ARFGAP1: variants seen among roughly 807,000 people sequenced by gnomAD.
The protein encoded by ARFGAP1 is ARF GTPase activating protein 1, also known as ADP-ribosylation factor GTPase-activating protein 1.
In ARFGAP1, 26 loss-of-function variants were observed where a neutral mutation model predicts 54.0. The observed-to-expected ratio is 0.48, with a 90% CI of 0.35 to 0.67. The LOEUF is 0.67. ARFGAP1 is among the 30% of genes least tolerant of loss of function. The pLI is 0.00. For missense variants in ARFGAP1, 525 were observed against 535.8 expected, an observed-to-expected ratio of 0.98 and a Z score of 0.20; for synonymous variants, 248 against 211.9, an observed-to-expected ratio of 1.17 and a Z score of -1.48.
chr20:63,283,733 C>T (rs953853907), intron 9 of ARFGAP1: 36 of 1,109,630 alleles, frequency 3.2e-5, no homozygotes, highest in Non-Finnish European at 3.0e-5. Flanking sequence ...TGCTGAGAGC[C>T]TGCCCGGTGC....
chr20:63,275,870 C>T (rs926937444), intron 2 of ARFGAP1, among the ~76,000 whole-genome samples: 5 of 152,230 alleles, frequency 3.3e-5, no homozygotes, highest in Admixed American at 6.5e-5. Context: ...GGCGCCTCCA[C>T]ATTTCTCAGG....
chr20:63,277,373 C>A, intron 5 of ARFGAP1, 68 bp downstream of exon 5: 10 of 1,341,738 alleles, frequency 7.5e-6, no homozygotes, highest in Non-Finnish European at 9.1e-6. Context: ...TTGGGTTTCC[C>A]ACAGAATTCT....
intron 8 of ARFGAP1, among the ~76,000 whole-genome samples, chr20:63,281,601 C>T (rs1194987019): frequency 2.6e-5 from 4 of 152,188 alleles, no homozygotes; most frequent in African/African-American, 7.2e-5. Context: ...GGGGTCCCGC[C>T]CTGATGAAAG....
At position 63,276,174 on chromosome 20, in the gene ARFGAP1, A is replaced by G. The variant is rs1261647347; in HGVS notation, c.144A>G (p.Arg48=). Residue 48 remains arginine (R), a synonymous_variant, in exon 3 of 13, where the codon AGA becomes AGG. Coordinates refer to ENST00000370283, the MANE Select transcript of ARFGAP1 (RefSeq NM_018209.4). This position sits in a 1 kb window ranked among gnomAD's most constrained non-coding sequence, Gnocchi z 5.2. ...GGATCTGCCTGGAGTGCTCGGGGAG[A>G]CACCGCGGGCTTGGGGTTCACCTCA... ...GIWICLECSG[R]HRGLGVHLSF... The G allele has an allele frequency of 6.2e-7, 1 of 1,613,692 alleles. No individual in the cohort carries two copies. Among genetic ancestry groups the G allele is most frequent in the Admixed American group, 1.7e-5 (1 of 59,996 alleles).
rs778278956 is a variant in ARFGAP1 at position 63,287,761 on chromosome 20, C to T, written c.1109C>T (p.Ala370Val). 2.5e-6 allele frequency: 4 copies of T among 1,609,570 alleles called. No individual in the cohort carries two copies. The highest frequency in any genetic ancestry group is 4.5e-5 in the East Asian group (2 of 44,738). The change falls in exon 13 of 13, where the codon GCC (alanine) becomes GTC (valine). Residue 370 changes from alanine (A) to valine (V), a missense_variant. Physicochemically the swap from Ala to Val is moderately conservative, Grantham distance 64 (BLOSUM62 0). Transcript: ENST00000370283. ...GACAGCTGGGAGGTGTGGGGCTCGG[C>T]CTCCACCAACAGGAACAGCAACAGC... ...SSDSWEVWGS[A>V]STNRNSNSDG... is the part of the protein sequence containing the mutation.
chr20:63,281,428 C>T (rs2067378521), intron 8 of ARFGAP1, 81 bp downstream of exon 8: 1 of 1,479,404 alleles, frequency 6.8e-7, no homozygotes, highest in African/African-American at 1.4e-5. Flanking sequence ...GTTCTGGGAG[C>T]TGCAGAAGGG....
intron 2 of ARFGAP1, 116 bp from the exon 3 acceptor site, chr20:63,275,975 C>T: frequency 1.1e-6 from 1 of 916,196 alleles, no homozygotes; most frequent in Non-Finnish European, 1.8e-6. Flanking sequence ...TGACCCACAC[C>T]CCCGGCCACC....
intron 9 of ARFGAP1, chr20:63,283,678 T>G (rs1601358756): frequency 1.6e-6 from 1 of 638,368 alleles, no homozygotes; most frequent in East Asian, 2.9e-5. Flanking sequence ...TTTCTGAAGG[T>G]GGTGGTCAGT....
At chr20:63,282,482 C>T (rs913453051) in intron 8 of ARFGAP1, among the ~76,000 whole-genome samples, 1 of 152,250 alleles carries the variant, frequency 6.6e-6, no homozygotes, top group Non-Finnish European at 1.5e-5. Flanking sequence ...GTGGCTTCCC[C>T]AGCCCGTCTT....
Position 63,276,288 on chromosome 20 carries a change from G to A in ARFGAP1, c.170+88G>A. ...CACCAGAGGTGCTGACGCCAGGGAAGCTTGGGGGCCACCTCCCATTGCATT... is the reference window on the plus strand; with the variant it reads ...CACCAGAGGTGCTGACGCCAGGGAAACTTGGGGGCCACCTCCCATTGCATT... On this transcript the variant is annotated intron_variant, in intron 3 of 12. Transcript: ENST00000370283. This position sits in a 1 kb window ranked among gnomAD's most constrained non-coding sequence, Gnocchi z 5.2. 1 of 1,492,464 alleles carries A rather than the reference G, an allele frequency of 6.7e-7. No individual in the cohort carries two copies. The highest frequency in any genetic ancestry group is 9.3e-7 in the Non-Finnish European group (1 of 1,078,432). The allele number at this position is 1,492,464 out of a possible 1,614,324, so 92.5% of individuals were successfully genotyped here. A position where few individuals can be genotyped will look rare whatever the true frequency, so the allele number is the denominator to read the frequency against.
At chr20:63,286,698 C>T in intron 12 of ARFGAP1, 1 of 491,220 alleles carries the variant, frequency 2.0e-6, no homozygotes, top group Non-Finnish European at 3.7e-6. Context: ...GCCTGTCCTG[C>T]CTGTCTCTGC....
At chr20:63,282,612 C>T (rs969144023) in intron 8 of ARFGAP1, among the ~76,000 whole-genome samples, 1 of 152,230 alleles carries the variant, frequency 6.6e-6, no homozygotes, top group Admixed American at 6.5e-5. Flanking sequence ...GAGCTGGCCT[C>T]CCTCTAGGGA....
Position 63,278,127 on chromosome 20 carries a change from C to G in ARFGAP1, c.454C>G (p.Gln152Glu). 1.2e-6 allele frequency: 2 copies of G among 1,613,730 alleles called. No homozygotes were observed. The highest frequency in any genetic ancestry group is 1.7e-6 in the Non-Finnish European group (2 of 1,179,918). Reference protein sequence around the residue: ...LPSMVHRVSGQPQSVTASSDK... With the variant: ...LPSMVHRVSGEPQSVTASSDK... Reference sequence around the variant, plus strand: ...GATTCTCGGTTTCAGAGTCTCTGGCCAGCCGCAGAGTGTGACCGCCTCCTC... The same window carrying G: ...GATTCTCGGTTTCAGAGTCTCTGGCGAGCCGCAGAGTGTGACCGCCTCCTC... Residue 152 changes from glutamine to glutamate, a missense_variant, in exon 6 of 13, where the codon CAG becomes GAG. Coordinates refer to ENST00000370283, the MANE Select transcript of ARFGAP1 (RefSeq NM_018209.4).
Position 63,276,884 on chromosome 20 carries a change from TGACC to T in ARFGAP1, c.342+235_342+238del, listed in dbSNP as rs886191431. The T allele has an allele frequency of 8.8e-6, 5 of 569,978 alleles. No homozygotes were observed. The African/African-American group carries it at 9.3e-5, about 11-fold the overall frequency. 35.3% of individuals were successfully genotyped at this position (569,978 alleles called of 1,614,324 possible). A position where few individuals can be genotyped will look rare whatever the true frequency, so the allele number is the denominator to read the frequency against. The stretch of plus-strand genomic sequence containing the variant: ...CCGCCTCCAGGGGAGAAAGCAGCTG[TGACC>T]GTTTATTGCCTCTGTGACATGTTGG... On this transcript the variant is annotated intron_variant, in intron 4 of 12. Coordinates refer to ENST00000370283, the MANE Select transcript of ARFGAP1 (RefSeq NM_018209.4). The surrounding 1 kb of genome is among the most constrained non-coding windows in gnomAD (Gnocchi z 5.2).
intron 10 of ARFGAP1, chr20:63,285,349 G>C (rs1045169217): frequency 1.9e-6 from 1 of 520,156 alleles, no homozygotes; most frequent in South Asian, 2.2e-5. Flanking sequence ...CCTCCTTCGG[G>C]GCCTGACTGG....
intron 1 of ARFGAP1, among the ~76,000 whole-genome samples, chr20:63,274,896 G>A (rs925985576): frequency 2.0e-5 from 3 of 152,204 alleles, no homozygotes; most frequent in Non-Finnish European, 2.9e-5. Flanking sequence ...CCTTGTTGCT[G>A]CTGTCCCAGT....
rs1235912569 is a variant in ARFGAP1, at chr20:63,288,280, T to G, written c.*407T>G. ...CAGCGACGTGAGGTGTCCCTTCTCG[T>G]TGAGATATTTAACTTTGGTTTTGCT... On this transcript the variant is annotated 3_prime_UTR_variant, in exon 13 of 13. Transcript: ENST00000370283. The G allele has an allele frequency of 2.0e-6, 1 of 491,384 alleles. No individual in the cohort carries two copies. Among genetic ancestry groups the G allele is most frequent in the Non-Finnish European group, 4.0e-6 (1 of 250,278 alleles). The allele number at this position is 491,384 out of a possible 1,614,324, so 30.4% of individuals were successfully genotyped here.
intron 11 of ARFGAP1, 42 bp from the exon 12 acceptor site, chr20:63,286,324 C>T (rs771356441): frequency 3.7e-6 from 6 of 1,606,588 alleles, no homozygotes; most frequent in African/African-American, 2.7e-5. Flanking sequence ...CTGCCTGTGC[C>T]GCGACAGGGC....
At position 63,275,623 on chromosome 20, in the gene ARFGAP1, G is replaced by A. The variant is rs1474692565; in HGVS notation, c.43G>A (p.Val15Met). ...RTRKVLKEVR[V>M]QDENNVCFEC... Reference sequence around the variant, plus strand: ...CAGGAAGGTTCTTAAAGAAGTCAGGGTGCAGGATGAGAACAACGTAAGCCT... The same window carrying A: ...CAGGAAGGTTCTTAAAGAAGTCAGGATGCAGGATGAGAACAACGTAAGCCT... The change falls in exon 2 of 13, where the codon GTG becomes ATG. Residue 15 changes from valine to methionine, a missense_variant. Val to Met is a conservative substitution (Grantham distance 21, BLOSUM62 1). Transcript: ENST00000370283. 17 of 1,613,804 alleles carry A rather than the reference G, an allele frequency of 1.1e-5. No homozygotes were observed. Among genetic ancestry groups the A allele is most frequent in the Non-Finnish European group, 1.4e-5 (17 of 1,180,016 alleles).
Sources: gnomAD v4.1 joint callset for allele counts (sites outside exome capture counted in the v4.1 genomes callset) on GRCh38, gnomAD v4.1.1 for gene constraint, Gnocchi (gnomAD v3.1) non-coding constraint, MANE v1.5 for transcripts, NCBI Gene and HGNC (gene_info 2026-07-23, HGNC 2026-07-21) for gene names.